The following CNTRL variants were observed in gnomAD, a reference collection of about 807,000 sequenced individuals.
The protein encoded by CNTRL is 110 kDa centrosomal protein.
A neutral mutation model predicts 303.7 loss-of-function variants in CNTRL; 233 were observed. The ratio of observed to expected loss-of-function variants is 0.77; its 90% CI spans 0.69 to 0.86. The LOEUF is 0.86. CNTRL is among the 40% of genes least tolerant of loss of function. The probability of loss-of-function intolerance (pLI) is 0.00; values close to 1 mark genes in which losing one functional copy is unlikely to be tolerated. For synonymous variants in CNTRL, 900 were observed against 922.2 expected, an observed-to-expected ratio of 0.98 and a Z score of 0.44; for missense variants, 2,524 against 2,650.6, an observed-to-expected ratio of 0.95 and a Z score of 1.05.
chr9:121,140,568 T>C, intron 16 of CNTRL, 73 bp from the exon 17 acceptor site: 3 of 1,343,276 alleles, frequency 2.2e-6, no homozygotes, highest in Non-Finnish European at 3.0e-6. Context: ...GGTCTAGATA[T>C]GTTTGTTAGT....
chr9:121,115,607 CA>C (rs1377005438), intron 11 of CNTRL, among the ~76,000 whole-genome samples: 3 of 151,476 alleles, frequency 2.0e-5, no homozygotes, highest in African/African-American at 7.3e-5. Context: ...ATGTGGTATA[CA>C]AAAAGATTGA....
chr9:121,152,789 T>G, intron 26 of CNTRL, 96 bp downstream of exon 26: 2 of 1,001,476 alleles, frequency 2.0e-6, no homozygotes, highest in Admixed American at 2.5e-5. Flanking sequence ...GTTCTTGATC[T>G]TCTGTCCAAA....
intron 12 of CNTRL, among the ~76,000 whole-genome samples, chr9:121,122,604 A>G (rs2050291355): frequency 6.6e-6 from 1 of 152,064 alleles, no homozygotes; most frequent in South Asian, 2.1e-4. Context: ...TGAAGGTGTG[A>G]GTGGGAGGGC....
chr9:121,148,586 C>T (rs2052017748), intron 23 of CNTRL, 86 bp from the exon 24 acceptor site: 1 of 1,279,498 alleles, frequency 7.8e-7, no homozygotes, highest in Non-Finnish European at 1.1e-6. Context: ...CTTGCTACAT[C>T]TCAACTTTGC....
intron 1 of CNTRL, among the ~76,000 whole-genome samples, chr9:121,075,449 T>A (rs1462356981): frequency 1.3e-5 from 2 of 151,998 alleles, no homozygotes; most frequent in Non-Finnish European, 2.9e-5. Flanking sequence ...GAAAGGACAG[T>A]TTGGGCGTCC....
chr9:121,165,288 A>G (rs1346940295), intron 35 of CNTRL, among the ~76,000 whole-genome samples, 188 bp downstream of exon 35: 1 of 151,630 alleles, frequency 6.6e-6, no homozygotes, highest in African/African-American at 2.4e-5. Context: ...ATAGGACATG[A>G]TATGTGAATT....
chr9:121,133,340 C>G (rs1414930451), intron 14 of CNTRL, among the ~76,000 whole-genome samples: 1 of 152,250 alleles, frequency 6.6e-6, no homozygotes, highest in African/African-American at 2.4e-5. Flanking sequence ...CTACTCAAGC[C>G]TCAGCAATGG....
At chr9:121,143,031 A>G (rs2051610451) in intron 19 of CNTRL, among the ~76,000 whole-genome samples, 1 of 152,002 alleles carries the variant, frequency 6.6e-6, no homozygotes, top group South Asian at 2.1e-4. Flanking sequence ...TTGTTCCTGG[A>G]GAAAAAAGTC....
intron 9 of CNTRL, among the ~76,000 whole-genome samples, chr9:121,112,824 C>CG (rs1322501821): frequency 6.6e-6 from 1 of 152,140 alleles, no homozygotes; most frequent in Non-Finnish European, 1.5e-5. Context: ...TTACCAAAAG[C>CG]AGTCGTCTAA....
chr9:121,140,629 C>A lies in CNTRL; in HGVS notation c.2338-12C>A. 1 of 1,596,378 alleles carries A rather than the reference C, an allele frequency of 6.3e-7. No homozygotes were observed. The highest frequency in any genetic ancestry group is 1.3e-5 in the African/African-American group (1 of 74,574). On this transcript the variant is annotated splice_polypyrimidine_tract_variant and intron_variant, in intron 16 of 43. Transcript: ENST00000373855. ...ATGTAATAGATAATCCCTATTTCAT[C>A]CCCCTCCATAGGATGACAATAATCT... is the stretch of plus-strand genomic sequence containing the variant.
At chr9:121,084,164 A>G (rs2048254750) in intron 2 of CNTRL, among the ~76,000 whole-genome samples, 1 of 151,252 alleles carries the variant, frequency 6.6e-6, no homozygotes, top group South Asian at 2.1e-4. Flanking sequence ...AGATAGCATC[A>G]TTATTAATGT....
intron 2 of CNTRL, among the ~76,000 whole-genome samples, chr9:121,085,148 G>A (rs758003798): frequency 6.6e-6 from 1 of 152,158 alleles, no homozygotes; most frequent in Non-Finnish European, 1.5e-5. Flanking sequence ...AACAAAAAAG[G>A]CAGATTTAAA....
chr9:121,174,692 G>A (rs149691682), intron 42 of CNTRL, among the ~76,000 whole-genome samples: 110 of 152,154 alleles, frequency 7.2e-4, no homozygotes, highest in Non-Finnish European at 1.2e-3. Context: ...AGTATAAACT[G>A]ATCTTCTCAG....
At chr9:121,105,591 C>T (rs187206044) in intron 7 of CNTRL, among the ~76,000 whole-genome samples, 2 of 151,996 alleles carry the variant, frequency 1.3e-5, no homozygotes, top group East Asian at 1.9e-4. Flanking sequence ...GGTTGGGAGA[C>T]GAAAGAAAAG....
At chr9:121,090,785 A>G (rs2048535360) in intron 4 of CNTRL, among the ~76,000 whole-genome samples, 1 of 152,232 alleles carries the variant, frequency 6.6e-6, no homozygotes, top group African/African-American at 2.4e-5. Context: ...CGCAAAGCCA[A>G]AAACATTTAC....
Position 121,160,139 on chromosome 9 carries a change from A to G in CNTRL, c.4930-4A>G. On this transcript the variant is annotated splice_polypyrimidine_tract_variant and splice_region_variant and intron_variant, in intron 31 of 43. Coordinates refer to ENST00000373855, the MANE Select transcript of CNTRL (RefSeq NM_007018.6). Reference sequence around the variant, plus strand: ...GGGAATAACTTTTTTTTTTTCAAACACAGGAAGTAAAATCTCTTCTGGAAG... The same window carrying G: ...GGGAATAACTTTTTTTTTTTCAAACGCAGGAAGTAAAATCTCTTCTGGAAG... 1 of 1,458,246 alleles carries G rather than the reference A, an allele frequency of 6.9e-7. No individual in the cohort carries two copies. Among genetic ancestry groups the G allele is most frequent in the Non-Finnish European group, 9.0e-7 (1 of 1,107,014 alleles). The allele number at this position is 1,458,246 out of a possible 1,614,324, so 90.3% of individuals were successfully genotyped here. A position where few individuals can be genotyped will look rare whatever the true frequency, so the allele number is the denominator to read the frequency against.
chr9:121,169,693 G>C lies in CNTRL; in HGVS notation c.6153G>C (p.Met2051Ile). The change falls in exon 39 of 44, where the codon ATG becomes ATC. Residue 2051 changes from methionine to isoleucine, a missense_variant. Physicochemically the swap from Met to Ile is conservative, Grantham distance 10. Coordinates refer to ENST00000373855, the MANE Select transcript of CNTRL (RefSeq NM_007018.6). ...CCCTCCAGAAAGAGGCAGATTCTAT[G>C]AGGGCAGACTTCAGCCTTCTGCGGA... Reference protein sequence around the residue: ...LLALQKEADSMRADFSLLRNQ... With the variant: ...LLALQKEADSIRADFSLLRNQ... 1 of 1,614,188 alleles carries C rather than the reference G, an allele frequency of 6.2e-7. No individual in the cohort carries two copies. Among genetic ancestry groups the C allele is most frequent in the Non-Finnish European group, 8.5e-7 (1 of 1,180,028 alleles).
intron 40 of CNTRL, 43 bp downstream of exon 40, chr9:121,171,591 G>A: frequency 6.3e-7 from 1 of 1,595,808 alleles, no homozygotes; most frequent in Non-Finnish European, 8.5e-7. Context: ...GGGGAGAGAG[G>A]ACTCACTGGG....
chr9:121,099,881 C>A (rs557460931), intron 7 of CNTRL, among the ~76,000 whole-genome samples: 1 of 152,070 alleles, frequency 6.6e-6, no homozygotes, highest in African/African-American at 2.4e-5. Flanking sequence ...AAAAAATGAA[C>A]AAAGCCTCTA....
Sources: allele counts gnomAD v4.1 joint callset (sites outside exome capture counted in the v4.1 genomes callset), GRCh38; gene constraint gnomAD v4.1.1; transcripts MANE v1.5; gene names NCBI Gene and HGNC (gene_info 2026-07-23, HGNC 2026-07-21).